Variants in CCSER1 observed in about 807,000 individuals in gnomAD.
CCSER1 encodes coiled-coil serine rich protein 1.
In CCSER1, 41 loss-of-function variants were observed where a neutral mutation model predicts 82.0. The observed-to-expected ratio is 0.50, with a 90% CI of 0.39 to 0.65. The LOEUF (loss-of-function observed/expected upper bound fraction) is 0.65, where lower values mean the gene tolerates loss of function less well. Ranked by LOEUF, CCSER1 falls within the 30% of genes least tolerant of loss-of-function variation. The probability of loss-of-function intolerance (pLI) is 0.00; values close to 1 mark genes in which losing one functional copy is unlikely to be tolerated. For synonymous variants in CCSER1, 414 were observed against 383.9 expected, an observed-to-expected ratio of 1.08 and a Z score of -0.92; for missense variants, 1,119 against 1,064.2, an observed-to-expected ratio of 1.05 and a Z score of -0.72.
chr4:91,546,358 A>T (rs1761888542), intron 10 of CCSER1, among the ~76,000 whole-genome samples: 2 of 152,090 alleles, frequency 1.3e-5, no homozygotes, highest in Middle Eastern at 3.2e-3. Flanking sequence ...CTACCTTAGA[A>T]GTTTGATAGA....
intron 5 of CCSER1, among the ~76,000 whole-genome samples, chr4:90,594,823 TA>T (rs1279910100): frequency 6.6e-6 from 1 of 152,020 alleles, no homozygotes; most frequent in African/African-American, 2.4e-5. Flanking sequence ...ATGTCAGAGT[TA>T]AAACTTGGTT....
At chr4:90,931,366 A>G (rs540382970) in intron 9 of CCSER1, among the ~76,000 whole-genome samples, 72 of 150,420 alleles carry the variant, frequency 4.8e-4, no homozygotes, top group African/African-American at 1.6e-3. Flanking sequence ...TAATATGATT[A>G]AATTGAATTT....
At chr4:90,749,553 A>G (rs1393298444) in intron 7 of CCSER1, among the ~76,000 whole-genome samples, 1 of 152,034 alleles carries the variant, frequency 6.6e-6, no homozygotes, top group Non-Finnish European at 1.5e-5. Context: ...ACTTTAAAGT[A>G]GTTTTTTCCA....
intron 10 of CCSER1, among the ~76,000 whole-genome samples, chr4:91,361,007 T>G (rs1749208777): frequency 6.6e-6 from 1 of 151,866 alleles, no homozygotes; most frequent in African/African-American, 2.4e-5. Context: ...TTCTTCAGCT[T>G]TCATAAGATG....
chr4:90,645,410 AT>A (rs1727382467), intron 6 of CCSER1, among the ~76,000 whole-genome samples: 1 of 152,160 alleles, frequency 6.6e-6, no homozygotes, highest in Non-Finnish European at 1.5e-5. Flanking sequence ...AAGCCAAACA[AT>A]TTTAATTCAT....
chr4:90,127,503 T>G lies in CCSER1; in HGVS notation c.-370T>G, dbSNP rs1467707701. 6.5e-6 allele frequency: 1 copy of G among 152,834 alleles called. No individual in the cohort carries two copies. The highest frequency in any genetic ancestry group is 1.5e-5 in the Non-Finnish European group (1 of 68,462). The allele number at this position is 152,834 out of a possible 1,614,324, so 9.5% of individuals were successfully genotyped here. ...GCCTCCCCACGTCCCTCCCCTGCCC[T>G]CCTCTTGCTCTGCTCTTCTCTCCCT... is the stretch of plus-strand genomic sequence containing the variant. On this transcript the variant is annotated 5_prime_UTR_variant, in exon 1 of 11. Coordinates refer to ENST00000509176, the MANE Select transcript of CCSER1 (RefSeq NM_001145065.2).
intron 1 of CCSER1, among the ~76,000 whole-genome samples, chr4:90,201,711 A>C (rs1737745638): frequency 6.6e-6 from 1 of 152,116 alleles, no homozygotes; most frequent in Non-Finnish European, 1.5e-5. Context: ...TGAACAGTTC[A>C]GGATAAGGTT....
intron 3 of CCSER1, among the ~76,000 whole-genome samples, chr4:90,387,215 T>C (rs1334937325): frequency 6.6e-6 from 1 of 152,148 alleles, no homozygotes; most frequent in Non-Finnish European, 1.5e-5. Flanking sequence ...TTTTTATTTT[T>C]CTTAAAAAAT....
chr4:91,480,428 C>G (rs1284654782), intron 10 of CCSER1, among the ~76,000 whole-genome samples: 1 of 151,846 alleles, frequency 6.6e-6, no homozygotes, highest in Admixed American at 6.6e-5. Context: ...TTTTAATGAT[C>G]ACCATTCTAA....
At chr4:90,407,279 A>G (rs1753867234) in intron 4 of CCSER1, among the ~76,000 whole-genome samples, 1 of 152,198 alleles carries the variant, frequency 6.6e-6, no homozygotes, top group Admixed American at 6.5e-5. Context: ...TCCTGGAAAT[A>G]TATGACCCTC....
intron 10 of CCSER1, among the ~76,000 whole-genome samples, chr4:91,122,928 T>C (rs769015174): frequency 6.6e-6 from 1 of 151,736 alleles, no homozygotes; most frequent in Non-Finnish European, 1.5e-5. Flanking sequence ...GAATCAATTC[T>C]ATTGCATTAC....
At chr4:91,131,239 T>G (rs1263942519) in intron 10 of CCSER1, among the ~76,000 whole-genome samples, 1 of 152,018 alleles carries the variant, frequency 6.6e-6, no homozygotes, top group East Asian at 1.9e-4. Flanking sequence ...TATTTTATTT[T>G]ATTCCTTCAA....
chr4:90,614,836 G>T (rs901261828), intron 5 of CCSER1, among the ~76,000 whole-genome samples: 8 of 152,182 alleles, frequency 5.3e-5, no homozygotes, highest in African/African-American at 1.9e-4. Context: ...GATGAAGGTG[G>T]CTACACTGGC....
At chr4:90,683,973 C>G (rs911285200) in intron 6 of CCSER1, among the ~76,000 whole-genome samples, 1 of 152,044 alleles carries the variant, frequency 6.6e-6, no homozygotes, top group African/African-American at 2.4e-5. Context: ...AGCAATTATA[C>G]AAAAGATGCC....
intron 10 of CCSER1, among the ~76,000 whole-genome samples, chr4:91,189,333 T>TAC (rs1283777441): frequency 3.8e-4 from 58 of 152,242 alleles, no homozygotes; most frequent in African/African-American, 1.4e-3. Flanking sequence ...AAAAATCAGG[T>TAC]TTAGAGTACA....
intron 1 of CCSER1, among the ~76,000 whole-genome samples, chr4:90,229,876 G>A (rs1744091095): frequency 6.6e-6 from 1 of 152,092 alleles, no homozygotes; most frequent in East Asian, 1.9e-4. Flanking sequence ...GACAAAGAAG[G>A]CCATTACATA....
chr4:90,178,503 G>T (rs1475960926), intron 1 of CCSER1, among the ~76,000 whole-genome samples: 1 of 151,928 alleles, frequency 6.6e-6, no homozygotes, highest in African/African-American at 2.4e-5. Context: ...AGGCTTTGCT[G>T]GAAAACTCGA....
At chr4:90,230,058 T>G (rs920668741) in intron 1 of CCSER1, among the ~76,000 whole-genome samples, 4 of 152,136 alleles carry the variant, frequency 2.6e-5, no homozygotes, top group African/African-American at 9.7e-5. Flanking sequence ...ATTAGACAGA[T>G]CAACGAGACA....
chr4:90,648,284 G>GGAAA (rs564907502), intron 6 of CCSER1, among the ~76,000 whole-genome samples: 12,563 of 89,762 alleles, frequency 0.14, 1,087 homozygotes, highest in Admixed American at 0.17. Flanking sequence ...GAGAAAGAAA[G>GGAAA]GAAAGAAAGA....
Sources: gnomAD v4.1 joint callset for allele counts (sites outside exome capture counted in the v4.1 genomes callset) on GRCh38, gnomAD v4.1.1 for gene constraint, MANE v1.5 for transcripts, NCBI Gene and HGNC (gene_info 2026-07-23, HGNC 2026-07-21) for gene names.